The following CEP76 variants were observed in gnomAD, a reference collection of about 807,000 sequenced individuals.
The protein encoded by CEP76 is centrosomal protein 76, also known as centrosomal protein of 76 kDa.
CEP76 carries 55 observed loss-of-function variants against 83.3 expected under a neutral mutation model. That is an observed-to-expected ratio of 0.66 (90% CI 0.53 to 0.83). CEP76 has a LOEUF of 0.83. CEP76 is among the 40% of genes least tolerant of loss of function. The probability of loss-of-function intolerance (pLI) is 0.00; values close to 1 mark genes in which losing one functional copy is unlikely to be tolerated. For synonymous variants in CEP76, 270 were observed against 274.5 expected, an observed-to-expected ratio of 0.98 and a Z score of 0.16; for missense variants, 694 against 799.5, an observed-to-expected ratio of 0.87 and a Z score of 1.59.
chr18:12,678,169 C>T lies in CEP76; in HGVS notation c.1563G>A (p.Ala521=), dbSNP rs943087907. Residue 521 remains alanine (A), a synonymous_variant, in exon 10 of 12, where the codon GCG becomes GCA. Coordinates refer to ENST00000262127, the MANE Select transcript of CEP76 (RefSeq NM_024899.4). ...FPPLCASTID[A]SVTSNEIEMQ... is the part of the protein sequence containing the mutation. Reference sequence around the variant, plus strand: ...TTTCAATTTCATTACTTGTTACTGACGCGTCAATTGTGGATGCACACAGAG... The same window carrying T: ...TTTCAATTTCATTACTTGTTACTGATGCGTCAATTGTGGATGCACACAGAG... 23 of 1,614,006 alleles carry T rather than the reference C, an allele frequency of 1.4e-5. No homozygotes were observed. The highest frequency in any genetic ancestry group is 4.0e-5 in the African/African-American group (3 of 74,908).
At chr18:12,679,786 G>A (rs1028632313) in intron 9 of CEP76, among the ~76,000 whole-genome samples, 8 of 152,162 alleles carry the variant, frequency 5.3e-5, no homozygotes, top group African/African-American at 1.7e-4. Context: ...ATGCCAGCCA[G>A]GTGTGGTGGC....
chr18:12,667,446 G>C (rs940866020), intron 12 of CEP76, among the ~76,000 whole-genome samples: 3 of 152,074 alleles, frequency 2.0e-5, no homozygotes, highest in Non-Finnish European at 4.4e-5. Context: ...GACAGAGTGA[G>C]ACAGTCTCTT....
intron 12 of CEP76, among the ~76,000 whole-genome samples, chr18:12,664,408 G>C (rs1172847634): frequency 1.3e-5 from 2 of 151,832 alleles, no homozygotes; most frequent in African/African-American, 2.4e-5. Flanking sequence ...AAATTAGCCG[G>C]GCATGGTGGC....
Position 12,673,056 on chromosome 18 carries a change from G to A in CEP76, c.*309C>T. ...CTCTTTGATTACCTGTTTGTGTAAA[G>A]AAAACTGAATGCATTTTATATTAAT... is the stretch of plus-strand genomic sequence containing the variant. On this transcript the variant is annotated 3_prime_UTR_variant, in exon 12 of 12. Transcript: ENST00000262127. The A allele has an allele frequency of 9.8e-7, 1 of 1,022,042 alleles. No individual in the cohort carries two copies. The highest frequency in any genetic ancestry group is 1.2e-6 in the Non-Finnish European group (1 of 852,606). 63.3% of individuals were successfully genotyped at this position (1,022,042 alleles called of 1,614,324 possible).
chr18:12,677,844 G>C (rs2039198435), intron 10 of CEP76, among the ~76,000 whole-genome samples: 2 of 152,118 alleles, frequency 1.3e-5, no homozygotes, highest in South Asian at 4.1e-4. Flanking sequence ...CAAAAATCTT[G>C]ACTCTAAGGG....
At chr18:12,689,773 T>C (rs1332897440) in intron 7 of CEP76, among the ~76,000 whole-genome samples, 1 of 151,900 alleles carries the variant, frequency 6.6e-6, no homozygotes, top group African/African-American at 2.4e-5. Context: ...TTTATATATA[T>C]ATATATGTAT....
intron 1 of CEP76, among the ~76,000 whole-genome samples, chr18:12,701,844 A>ACC (rs1555648399): frequency 6.6e-6 from 1 of 152,222 alleles, no homozygotes; most frequent in Non-Finnish European, 1.5e-5. Context: ...AGAAACCCTG[A>ACC]TATCTGCCGG....
At chr18:12,680,096 T>C (rs1382659494) in intron 9 of CEP76, among the ~76,000 whole-genome samples, 2 of 151,446 alleles carry the variant, frequency 1.3e-5, no homozygotes, top group South Asian at 2.1e-4. Flanking sequence ...ATGCTAATCA[T>C]ACAAAACTAG....
At chr18:12,673,868 G>A (rs907848007) in intron 11 of CEP76, among the ~76,000 whole-genome samples, 14 of 152,198 alleles carry the variant, frequency 9.2e-5, no homozygotes, top group East Asian at 3.9e-4. Context: ...GCGACAGACT[G>A]AGACTCCATC....
At chr18:12,702,258 T>G (rs2040182660) in intron 1 of CEP76, among the ~76,000 whole-genome samples, 1 of 152,224 alleles carries the variant, frequency 6.6e-6, no homozygotes, top group African/African-American at 2.4e-5. Context: ...AGACCGCTCG[T>G]TCTATCGCCC....
At chr18:12,686,565 ACCTTGTAT>A (rs2039547153) in intron 7 of CEP76, 115 bp from the exon 8 acceptor site, 1 of 750,308 alleles carries the variant, frequency 1.3e-6, no homozygotes, top group African/African-American at 1.8e-5. Flanking sequence ...TCGAGTGCTT[ACCTTGTAT>A]CCAGTATTTG....
downstream of CEP76, among the ~76,000 whole-genome samples, chr18:12,670,063 T>C (rs1221799216): frequency 6.7e-6 from 1 of 148,694 alleles, no homozygotes; most frequent in African/African-American, 2.5e-5. Context: ...GGTGCGATGG[T>C]CCATGCCTGT....
At chr18:12,678,078 A>G in intron 10 of CEP76, 31 bp downstream of exon 10, 1 of 1,539,616 alleles carries the variant, frequency 6.5e-7, no homozygotes, top group Non-Finnish European at 8.9e-7. Context: ...GAAAAGAAGT[A>G]TGAAACTACA....
At chr18:12,669,045 T>TTTTTTTTTTTTTTTTTTTTTTG, downstream of CEP76, among the ~76,000 whole-genome samples, 1 of 98,092 alleles carries the variant, frequency 1.0e-5, no homozygotes. Flanking sequence ...TTTTTTTTTT[T>TTTTTTTTTTTTTTTTTTTTTTG]TTTTTTTTTT....
At chr18:12,695,948 CCAATTA>C (rs140247772) in intron 5 of CEP76, among the ~76,000 whole-genome samples, 1 of 151,926 alleles carries the variant, frequency 6.6e-6, no homozygotes, top group Non-Finnish European at 1.5e-5. Context: ...TCCCCATTAT[CCAATTA>C]CAGGCTGAGT....
chr18:12,662,179 T>G (rs762469129), intron 12 of CEP76: 2 of 439,916 alleles, frequency 4.5e-6, no homozygotes, highest in Admixed American at 2.5e-5. Flanking sequence ...CCTAGAAAAG[T>G]GCACCAGAAA....
downstream of CEP76, among the ~76,000 whole-genome samples, chr18:12,672,246 C>CT (rs1337757244): frequency 6.6e-6 from 1 of 151,760 alleles, no homozygotes; most frequent in African/African-American, 2.4e-5. Flanking sequence ...TCCTGAGTAG[C>CT]TGGGATTACA....
chr18:12,667,477 T>C (rs1296726613), intron 12 of CEP76, among the ~76,000 whole-genome samples: 1 of 151,932 alleles, frequency 6.6e-6, no homozygotes, highest in Non-Finnish European at 1.5e-5. Context: ...AAATATAATA[T>C]TCGGCCAGGC....
In CEP76 at chr18:12,674,596, T is replaced by C; in HGVS notation, c.1781A>G (p.Lys594Arg). The change falls in exon 11 of 12, where the codon AAA becomes AGA. Residue 594 changes from lysine to arginine, a missense_variant. Transcript: ENST00000262127. ...ATACACAAAATGTATTGGGAACCCTTTAAATGTGTGACCATCAGGTACAGC... is the reference window on the plus strand; with the variant it reads ...ATACACAAAATGTATTGGGAACCCTCTAAATGTGTGACCATCAGGTACAGC... ...RRAVPDGHTF[K>R]GFPIHFVYRN... The C allele has an allele frequency of 6.2e-7, 1 of 1,614,102 alleles. No homozygotes were observed. Among genetic ancestry groups the C allele is most frequent in the Non-Finnish European group, 8.5e-7 (1 of 1,180,014 alleles).
Sources: allele counts gnomAD v4.1 joint callset (sites outside exome capture counted in the v4.1 genomes callset), GRCh38; gene constraint gnomAD v4.1.1; transcripts MANE v1.5; gene names NCBI Gene and HGNC (gene_info 2026-07-23, HGNC 2026-07-21).